The following CDH13 variants were observed in gnomAD, a reference collection of about 807,000 sequenced individuals.
CDH13 encodes cadherin-13.
In CDH13, 24 loss-of-function variants were observed where a neutral mutation model predicts 63.8. That is an observed-to-expected ratio of 0.38 (90% CI 0.27 to 0.53). CDH13 has a LOEUF of 0.53. Among genes scored for constraint, CDH13 ranks in the 20% least tolerant of loss-of-function variants. The pLI, the probability that CDH13 is intolerant of heterozygous loss-of-function variation, is 0.85. For synonymous variants in CDH13, 503 were observed against 355.3 expected, an observed-to-expected ratio of 1.42 and a Z score of -4.67; for missense variants, 1,049 against 903.1, an observed-to-expected ratio of 1.16 and a Z score of -2.07.
At chr16:83,644,966 G>A (rs190664843) in intron 8 of CDH13, among the ~76,000 whole-genome samples, 12 of 152,282 alleles carry the variant, frequency 7.9e-5, no homozygotes, top group Admixed American at 5.2e-4. Context: ...TGGGCTCCTC[G>A]CTTGGACTTC....
At chr16:82,801,396 TACTC>T (rs763272114) in intron 1 of CDH13, among the ~76,000 whole-genome samples, 11 of 152,248 alleles carry the variant, frequency 7.2e-5, no homozygotes, top group Non-Finnish European at 1.5e-4. Flanking sequence ...TAAGGAAAAA[TACTC>T]AGTCTAATCC....
chr16:83,074,546 A>T (rs945809243), intron 3 of CDH13, among the ~76,000 whole-genome samples: 1 of 152,102 alleles, frequency 6.6e-6, no homozygotes, highest in African/African-American at 2.4e-5. Flanking sequence ...CGGTAGTTCT[A>T]TTTTTAGTGA....
At chr16:82,816,029 G>C (rs548939421) in intron 1 of CDH13, among the ~76,000 whole-genome samples, 2 of 152,240 alleles carry the variant, frequency 1.3e-5, no homozygotes, top group African/African-American at 2.4e-5. Flanking sequence ...GGGAAGCCTG[G>C]GTCTGATACA....
intron 1 of CDH13, among the ~76,000 whole-genome samples, chr16:82,727,154 C>T (rs1359054185): frequency 6.6e-6 from 1 of 152,102 alleles, no homozygotes; most frequent in African/African-American, 2.4e-5. Context: ...AATCAAATGA[C>T]AGCAACAGAG....
At chr16:83,547,383 G>T (rs1248742156) in intron 7 of CDH13, among the ~76,000 whole-genome samples, 4 of 152,146 alleles carry the variant, frequency 2.6e-5, no homozygotes, top group Non-Finnish European at 5.9e-5. Context: ...ATGGGGGTTT[G>T]GTGTACAGAT....
In CDH13 at chr16:83,157,449, A is replaced by T. The variant is rs138107078; in HGVS notation, c.483+31948A>T. On this transcript the variant is annotated intron_variant, in intron 4 of 13. Coordinates refer to ENST00000567109, the MANE Select transcript of CDH13 (RefSeq NM_001257.5). The stretch of plus-strand genomic sequence containing the variant: ...TTGGAAACATCTTCAGGCTAACCCA[A>T]TTTACATTATAGTTATATTTTAATT... Among the ~76,000 whole-genome samples, 588 of 152,306 alleles carry T rather than the reference A, an allele frequency of 3.9e-3. 2 individuals carry two copies. The highest frequency in any genetic ancestry group is 0.017 in the Middle Eastern group (5 of 294).
chr16:83,086,213 G>T (rs775053193), intron 3 of CDH13, among the ~76,000 whole-genome samples: 1 of 152,186 alleles, frequency 6.6e-6, no homozygotes, highest in Non-Finnish European at 1.5e-5. Flanking sequence ...TTCTCAGACA[G>T]AGTCTTGAGA....
chr16:82,977,949 T>C (rs1166275098), intron 2 of CDH13, among the ~76,000 whole-genome samples: 2 of 152,188 alleles, frequency 1.3e-5, no homozygotes, highest in South Asian at 2.1e-4. Context: ...GATAGTGATA[T>C]GGACAATGAA....
intron 5 of CDH13, among the ~76,000 whole-genome samples, chr16:83,225,654 C>A (rs1458810090): frequency 6.6e-6 from 1 of 152,144 alleles, no homozygotes; most frequent in Non-Finnish European, 1.5e-5. Flanking sequence ...GGTTCTTGAA[C>A]TTTGTTGCCC....
Position 83,499,959 on chromosome 16 carries a change from C to A in CDH13, c.960+13304C>A, listed in dbSNP as rs557818186. On this transcript the variant is annotated intron_variant, in intron 7 of 13. Transcript: ENST00000567109. ...CTGGGATTACAGGCGCCTGCCACCA[C>A]GCGCAGCTAATTTTTGTATTTTTAG... 1.4e-3 allele frequency among the ~76,000 whole-genome samples: 207 copies of A among 152,230 alleles called. 5 individuals carry two copies. The South Asian group carries it at 0.04, about 29-fold the overall frequency.
chr16:82,878,855 T>C lies in CDH13; in HGVS notation c.157+20382T>C, dbSNP rs114839476. Among the ~76,000 whole-genome samples, 809 of 152,234 alleles carry C rather than the reference T, an allele frequency of 5.3e-3. 11 individuals are homozygous for C. Among genetic ancestry groups the C allele is most frequent in the African/African-American group, 0.018 (765 of 41,554 alleles). On this transcript the variant is annotated intron_variant, in intron 2 of 13. Coordinates refer to ENST00000567109, the MANE Select transcript of CDH13 (RefSeq NM_001257.5). ...TATCTAACATTGAGGCATTGAAAGA[T>C]AGATCAGGACTGATTTTACTGAGCA...
rs72005662 is a variant in CDH13, at chr16:83,587,946, C to CTT, written c.961-14495_961-14494dup. On this transcript the variant is annotated intron_variant, in intron 7 of 13. Coordinates refer to ENST00000567109, the MANE Select transcript of CDH13 (RefSeq NM_001257.5). ...ATCTGAGCAACATTCTCTTATACCTCTTTTTTTTTTTTTTGAAAGATCATT... is the reference window on the plus strand; with the variant it reads ...ATCTGAGCAACATTCTCTTATACCTCTTTTTTTTTTTTTTTTGAAAGATCATT... 5.6e-3 allele frequency among the ~76,000 whole-genome samples: 810 copies of CTT among 144,822 alleles called. 2 individuals are homozygous for CTT. The highest frequency in any genetic ancestry group is 8.7e-3 in the Non-Finnish European group (573 of 65,986).
intron 6 of CDH13, among the ~76,000 whole-genome samples, chr16:83,386,035 A>G (rs529888444): frequency 3.9e-5 from 6 of 152,160 alleles, no homozygotes; most frequent in Non-Finnish European, 8.8e-5. Context: ...AAACACTTCA[A>G]TGTTCTCCAT....
intron 5 of CDH13, among the ~76,000 whole-genome samples, chr16:83,255,704 T>C (rs917933467): frequency 3.3e-5 from 5 of 152,208 alleles, no homozygotes; most frequent in African/African-American, 1.2e-4. Flanking sequence ...TTTATTATGC[T>C]CTTTTCAATA....
Position 82,792,309 on chromosome 16 carries a change from G to A in CDH13, c.46-66053G>A, listed in dbSNP as rs190908430. On this transcript the variant is annotated intron_variant, in intron 1 of 13. Coordinates refer to ENST00000567109, the MANE Select transcript of CDH13 (RefSeq NM_001257.5). ...ATTCAATCATTTAGCACCCTTTCTCGCTTGCTTGGAAAATACAAGGTAAAA... is the reference window on the plus strand; with the variant it reads ...ATTCAATCATTTAGCACCCTTTCTCACTTGCTTGGAAAATACAAGGTAAAA... Among the ~76,000 whole-genome samples, 1,089 of 152,146 alleles carry A rather than the reference G, an allele frequency of 7.2e-3. 6 individuals carry two copies. Among genetic ancestry groups the A allele is most frequent in the South Asian group, 0.036 (172 of 4,814 alleles).
chr16:83,634,321 A>G (rs1911065071), intron 8 of CDH13, among the ~76,000 whole-genome samples: 1 of 151,650 alleles, frequency 6.6e-6, no homozygotes, highest in South Asian at 2.1e-4. Flanking sequence ...GCAATTATTA[A>G]CCTGTTCTCC....
intron 1 of CDH13, among the ~76,000 whole-genome samples, chr16:82,841,834 C>G (rs1317982225): frequency 2.6e-5 from 4 of 152,152 alleles, no homozygotes; most frequent in Admixed American, 2.0e-4. Flanking sequence ...GCTGGAGCTG[C>G]TTAACCCATG....
chr16:83,247,658 T>C (rs1211800691), intron 5 of CDH13, among the ~76,000 whole-genome samples: 6 of 152,346 alleles, frequency 3.9e-5, no homozygotes, highest in African/African-American at 1.2e-4. Context: ...TGAGAAGTTA[T>C]TATCTACATC....
chr16:82,966,008 G>C (rs1001269276), intron 2 of CDH13, among the ~76,000 whole-genome samples: 7 of 152,166 alleles, frequency 4.6e-5, no homozygotes, highest in African/African-American at 1.7e-4. Flanking sequence ...TCAACGAGTT[G>C]ACCAAGCGTC....
Sources: gnomAD v4.1 joint callset for allele counts (sites outside exome capture counted in the v4.1 genomes callset) on GRCh38, gnomAD v4.1.1 for gene constraint, MANE v1.5 for transcripts, NCBI Gene and HGNC (gene_info 2026-07-23, HGNC 2026-07-21) for gene names.